Variants in ZNF486 observed in about 807,000 individuals in gnomAD.
The protein encoded by ZNF486 is zinc finger protein 486, also known as KRAB box only protein 2.
Under a neutral mutation model 12.8 loss-of-function variants are expected in ZNF486, and 12 were observed. The observed-to-expected ratio is 0.94, with a 90% CI of 0.60 to 1.52. The LOEUF (loss-of-function observed/expected upper bound fraction) is 1.52, where lower values mean the gene tolerates loss of function less well. ZNF486 is among the 40% of genes most tolerant of loss of function. The pLI, the probability that ZNF486 is intolerant of heterozygous loss-of-function variation, is 0.00. For missense variants in ZNF486, 738 were observed against 545.0 expected, an observed-to-expected ratio of 1.35 and a Z score of -3.53; for synonymous variants, 231 against 184.9, an observed-to-expected ratio of 1.25 and a Z score of -2.02.
chr19:20,180,269 C>A (rs1097509), intron 1 of ZNF486, among the ~76,000 whole-genome samples: 1 of 152,022 alleles, frequency 6.6e-6, no homozygotes, highest in Non-Finnish European at 1.5e-5. Flanking sequence ...GTACCCAGAT[C>A]AGAGTTTCTC....
chr19:20,176,161 G>A (rs868919730), intron 1 of ZNF486: 18 of 162,646 alleles, frequency 1.1e-4, no homozygotes, highest in Middle Eastern at 5.3e-3. Context: ...TCGCGGCTGG[G>A]CAGAGGCGCT....
intron 3 of ZNF486, among the ~76,000 whole-genome samples, chr19:20,187,929 C>T (rs1193145897): frequency 6.6e-6 from 1 of 152,106 alleles, no homozygotes; most frequent in African/African-American, 2.4e-5. Flanking sequence ...TGGGTCTGCA[C>T]TAGGGTCCAC....
At chr19:20,173,795 G>A (rs572349179) in intron 1 of ZNF486, among the ~76,000 whole-genome samples, 26 of 151,702 alleles carry the variant, frequency 1.7e-4, no homozygotes, top group African/African-American at 6.3e-4. Context: ...TAGTGCCACT[G>A]CACTCCAGCC....
At chr19:20,179,640 T>TA (rs1211720658) in intron 1 of ZNF486, among the ~76,000 whole-genome samples, 126 of 148,664 alleles carry the variant, frequency 8.5e-4, no homozygotes, top group African/African-American at 2.4e-3. Flanking sequence ...GCCTGGGATT[T>TA]AAAAAAAAAA....
chr19:20,168,602 C>A (rs554947172), intron 1 of ZNF486, among the ~76,000 whole-genome samples: 1 of 150,726 alleles, frequency 6.6e-6, no homozygotes, highest in South Asian at 2.1e-4. Flanking sequence ...TGCGGTGAGC[C>A]GAGATCGTGC....
At chr19:20,192,562 C>T (rs568512994) in intron 3 of ZNF486, among the ~76,000 whole-genome samples, 1 of 152,306 alleles carries the variant, frequency 6.6e-6, no homozygotes, top group South Asian at 2.1e-4. Context: ...CCCGCCTCTG[C>T]CTCCCAAAGT....
At chr19:20,179,723 A>G (rs1271931757) in intron 1 of ZNF486, among the ~76,000 whole-genome samples, 16 of 152,294 alleles carry the variant, frequency 1.1e-4, no homozygotes, top group African/African-American at 3.6e-4. Flanking sequence ...GTCAAGATAG[A>G]TATCTTACAG....
Position 20,197,297 on chromosome 19 carries a change from C to G in ZNF486, c.587C>G (p.Thr196Ser), listed in dbSNP as rs2089968650. The G allele has an allele frequency of 6.2e-7, 1 of 1,612,408 alleles. No homozygotes were observed. Among genetic ancestry groups the G allele is most frequent in the Admixed American group, 1.7e-5 (1 of 59,660 alleles). The change falls in exon 4 of 4, where the codon ACC becomes AGC. Residue 196 changes from threonine (T) to serine (S), a missense_variant. Physicochemically the swap from Thr to Ser is moderately conservative, Grantham distance 58 (BLOSUM62 1). Coordinates refer to ENST00000335117, the MANE Select transcript of ZNF486 (RefSeq NM_052852.4). ...GACAAAGCTTTTAACCAGTCCTCAA[C>G]CCATACTACACATAAAAAAATTGAT... ...EGDKAFNQSS[T>S]HTTHKKIDTG...
At chr19:20,186,580 ATCC>A (rs2089849415) in intron 3 of ZNF486, among the ~76,000 whole-genome samples, 1 of 152,090 alleles carries the variant, frequency 6.6e-6, no homozygotes. Context: ...TAAGTATGAT[ATCC>A]TTCTGCTTTG....
intron 1 of ZNF486, among the ~76,000 whole-genome samples, chr19:20,182,219 G>A (rs1555715691): frequency 6.6e-6 from 1 of 152,196 alleles, no homozygotes; most frequent in African/African-American, 2.4e-5. Flanking sequence ...AGCAACTTCA[G>A]CATTGACAGG....
intron 1 of ZNF486, chr19:20,177,118 CAT>C (rs1438114655): frequency 6.6e-6 from 1 of 152,200 alleles, no homozygotes; most frequent in Non-Finnish European, 1.5e-5. Flanking sequence ...AAATGGGGTT[CAT>C]ATAAAATGTG....
intron 3 of ZNF486, among the ~76,000 whole-genome samples, chr19:20,196,588 C>T (rs533834071): frequency 2.2e-4 from 33 of 151,372 alleles, no homozygotes; most frequent in East Asian, 9.7e-4. Context: ...TCTCAGCCTC[C>T]GAAAGTGCTG....
At chr19:20,182,010 TAC>T (rs1191920138) in intron 1 of ZNF486, among the ~76,000 whole-genome samples, 1 of 152,208 alleles carries the variant, frequency 6.6e-6, no homozygotes, top group Non-Finnish European at 1.5e-5. Flanking sequence ...GTTTTTTAAA[TAC>T]AGACTTACTC....
Position 20,197,591 on chromosome 19 carries a change from A to G in ZNF486, c.881A>G (p.Tyr294Cys), listed in dbSNP as rs2089972800. Residue 294 changes from tyrosine to cysteine, a missense_variant, in exon 4 of 4, where the codon TAC becomes TGC. By Grantham distance (194) the Tyr-to-Cys change is radical (BLOSUM62 -2). Transcript: ENST00000335117. ...ATAATCCATACTGGAGAGCAACCCTACAAATGTAAAGAATGTGACAAAGCT... is the reference window on the plus strand; with the variant it reads ...ATAATCCATACTGGAGAGCAACCCTGCAAATGTAAAGAATGTGACAAAGCT... ...HKIIHTGEQP[Y>C]KCKECDKAFN... The G allele has an allele frequency of 6.2e-7, 1 of 1,613,762 alleles. No individual in the cohort carries two copies. Among genetic ancestry groups the G allele is most frequent in the Non-Finnish European group, 8.5e-7 (1 of 1,179,828 alleles).
At chr19:20,167,978 G>A (rs2089603399) in intron 1 of ZNF486, among the ~76,000 whole-genome samples, 1 of 152,036 alleles carries the variant, frequency 6.6e-6, no homozygotes, top group Non-Finnish European at 1.5e-5. Context: ...AAAAGTTTGG[G>A]TCTAAGCCAA....
intron 1 of ZNF486, among the ~76,000 whole-genome samples, chr19:20,177,273 A>G (rs148158778): frequency 2.0e-5 from 3 of 152,376 alleles, no homozygotes; most frequent in Non-Finnish European, 2.9e-5. Context: ...TAGCCAAAAT[A>G]TAGAACACTA....
At chr19:20,192,534 C>G (rs1469947283) in intron 3 of ZNF486, among the ~76,000 whole-genome samples, 1 of 152,194 alleles carries the variant, frequency 6.6e-6, no homozygotes, top group Non-Finnish European at 1.5e-5. Context: ...TCTTAAACTT[C>G]TGACCTCAGG....
At chr19:20,193,635 T>A (rs2089924999) in intron 3 of ZNF486, among the ~76,000 whole-genome samples, 1 of 152,042 alleles carries the variant, frequency 6.6e-6, no homozygotes, top group Non-Finnish European at 1.5e-5. Flanking sequence ...TACTCCAGCC[T>A]GGACAACAGA....
rs1287819848 is a variant in ZNF486 at position 20,167,908 on chromosome 19, AC to A, written c.30+551del. On this transcript the variant is annotated intron_variant, in intron 1 of 3. Coordinates refer to ENST00000335117, the MANE Select transcript of ZNF486 (RefSeq NM_052852.4). ...CAGAAGTTGTAAAAGTTGTAAAACA[AC>A]CCTACCCCTTTTTCTCCCTTTTCCT... 1.8e-4 allele frequency among the ~76,000 whole-genome samples: 28 copies of A among 151,982 alleles called. No homozygotes were observed. In the East Asian group the frequency reaches 5.2e-3, roughly 28 times the overall value.
Sources: gnomAD v4.1 joint callset for allele counts (sites outside exome capture counted in the v4.1 genomes callset) on GRCh38, gnomAD v4.1.1 for gene constraint, MANE v1.5 for transcripts, NCBI Gene and HGNC (gene_info 2026-07-23, HGNC 2026-07-21) for gene names.